Variants in DYM observed in about 807,000 individuals in gnomAD.
The protein encoded by DYM is dymeclin, also known as dyggve-Melchior-Clausen syndrome protein.
In DYM, 78 loss-of-function variants were observed where a neutral mutation model predicts 93.1. The observed-to-expected ratio is 0.84, with a 90% CI of 0.70 to 1.01. DYM has a LOEUF of 1.01. Among genes scored for constraint, DYM ranks in the 50% least tolerant of loss-of-function variants. DYM has a pLI of 0.00. For synonymous variants in DYM, 321 were observed against 319.7 expected, an observed-to-expected ratio of 1.00 and a Z score of -0.04; for missense variants, 789 against 845.0, an observed-to-expected ratio of 0.93 and a Z score of 0.82.
At chr18:49,283,104 C>CTAT (rs1339168590) in intron 9 of DYM, among the ~76,000 whole-genome samples, 2 of 152,132 alleles carry the variant, frequency 1.3e-5, no homozygotes, top group Admixed American at 6.6e-5. Flanking sequence ...CTAGCCTAAG[C>CTAT]TATTATATTT....
chr18:49,094,678 A>G (rs2079383936), intron 17 of DYM, among the ~76,000 whole-genome samples: 1 of 152,258 alleles, frequency 6.6e-6, no homozygotes, highest in African/African-American at 2.4e-5. Flanking sequence ...GGCTATGTCA[A>G]ATAATATTTG....
chr18:49,074,869 C>T (rs920212986), intron 17 of DYM, among the ~76,000 whole-genome samples: 2 of 152,170 alleles, frequency 1.3e-5, no homozygotes, highest in East Asian at 1.9e-4. Flanking sequence ...GCTTTCAGAT[C>T]GTCTCAAATT....
intron 16 of DYM, among the ~76,000 whole-genome samples, chr18:49,116,707 C>T (rs2081956858): frequency 1.3e-5 from 2 of 152,192 alleles, no homozygotes; most frequent in African/African-American, 4.8e-5. Flanking sequence ...TCCTTAATAA[C>T]TGGTACTTTT....
chr18:49,068,511 G>A (rs1396572313), intron 17 of DYM, among the ~76,000 whole-genome samples: 2 of 152,246 alleles, frequency 1.3e-5, no homozygotes, highest in East Asian at 3.9e-4. Flanking sequence ...CCTTAGAAAT[G>A]AAAGGAGCTC....
At chr18:49,203,803 G>A (rs1377616667) in intron 14 of DYM, among the ~76,000 whole-genome samples, 1 of 123,152 alleles carries the variant, frequency 8.1e-6, no homozygotes, top group African/African-American at 3.2e-5. Flanking sequence ...ATTGTCCCAT[G>A]ACCCTGCCAA....
At chr18:49,165,033 C>T (rs1288076859) in intron 14 of DYM, among the ~76,000 whole-genome samples, 1 of 152,126 alleles carries the variant, frequency 6.6e-6, no homozygotes, top group African/African-American at 2.4e-5. Flanking sequence ...AAAAGAGACA[C>T]ATTTGTAAAT....
At chr18:49,320,692 C>T (rs1033457084) in intron 8 of DYM, among the ~76,000 whole-genome samples, 1 of 152,080 alleles carries the variant, frequency 6.6e-6, no homozygotes, top group Non-Finnish European at 1.5e-5. Flanking sequence ...AGGCTGGTCT[C>T]GAACCCCTGA....
chr18:49,333,670 A>G, intron 7 of DYM, 58 bp downstream of exon 7: 2 of 1,559,344 alleles, frequency 1.3e-6, no homozygotes, highest in Non-Finnish European at 1.8e-6. Flanking sequence ...AAAGGACAAG[A>G]CTAGAAATAT....
intron 1 of DYM, among the ~76,000 whole-genome samples, chr18:49,456,381 A>G (rs1323709636): frequency 6.6e-6 from 1 of 152,206 alleles, no homozygotes; most frequent in African/African-American, 2.4e-5. Context: ...GGGTTTTCAA[A>G]GTATTCTGGG....
chr18:49,186,989 G>A (rs1339901824), intron 14 of DYM, among the ~76,000 whole-genome samples: 8 of 147,728 alleles, frequency 5.4e-5, no homozygotes, highest in Non-Finnish European at 1.0e-4. Flanking sequence ...GTGCGATCTC[G>A]GCTCACTGCA....
intron 15 of DYM, among the ~76,000 whole-genome samples, chr18:49,130,567 A>G (rs975512015): frequency 6.0e-5 from 2 of 33,390 alleles, no homozygotes; most frequent in Middle Eastern, 0.036. Flanking sequence ...CTACTTTACT[A>G]AAACAATTTT....
intron 1 of DYM, among the ~76,000 whole-genome samples, chr18:49,444,500 C>T (rs1458826585): frequency 1.3e-5 from 2 of 152,154 alleles, no homozygotes; most frequent in Non-Finnish European, 2.9e-5. Context: ...CTAACATTGC[C>T]TAAGTCACAA....
chr18:49,171,962 A>G (rs1243605017), intron 14 of DYM, among the ~76,000 whole-genome samples: 3 of 152,208 alleles, frequency 2.0e-5, no homozygotes, highest in Non-Finnish European at 2.9e-5. Flanking sequence ...CATCACTACA[A>G]TAATGATACA....
chr18:49,394,277 A>C (rs2069762024), intron 2 of DYM, among the ~76,000 whole-genome samples: 1 of 152,178 alleles, frequency 6.6e-6, no homozygotes. Context: ...TAGTAACAGT[A>C]CCTTCATAAG....
chr18:49,195,502 T>C (rs1470942170), intron 14 of DYM, among the ~76,000 whole-genome samples: 2 of 152,206 alleles, frequency 1.3e-5, no homozygotes, highest in African/African-American at 4.8e-5. Context: ...ACTCACTCTT[T>C]CTAGCTAGCT....
At chr18:49,164,643 T>C (rs2145100891) in intron 14 of DYM, among the ~76,000 whole-genome samples, 1 of 152,338 alleles carries the variant, frequency 6.6e-6, no homozygotes, top group Non-Finnish European at 1.5e-5. Flanking sequence ...TGAATGTTTG[T>C]ATAAATGTTA....
At chr18:49,387,369 C>T (rs1472029597) in intron 3 of DYM, among the ~76,000 whole-genome samples, 4 of 152,080 alleles carry the variant, frequency 2.6e-5, no homozygotes, top group Non-Finnish European at 4.4e-5. Flanking sequence ...CTCTGCCTTC[C>T]GGGTTCAAGT....
intron 15 of DYM, among the ~76,000 whole-genome samples, chr18:49,158,270 T>C (rs1275843051): frequency 6.6e-6 from 1 of 152,236 alleles, no homozygotes; most frequent in East Asian, 1.9e-4. Context: ...ATTTTAGTTG[T>C]GTATCTGTTT....
In DYM at chr18:49,040,227, G is replaced by A. The variant is rs1452162841; in HGVS notation, c.*3828C>T. ...ACCCCAGAGTCAACAAGATAGTTAA[G>A]TATTACTTGTCCAGTTCTATGGGGC... On this transcript the variant is annotated 3_prime_UTR_variant, in exon 18 of 18. Transcript: ENST00000675505. Among the ~76,000 whole-genome samples the A allele has an allele frequency of 1.3e-5, 2 of 152,188 alleles. No homozygotes were observed. Among genetic ancestry groups the A allele is most frequent in the African/African-American group, 2.4e-5 (1 of 41,434 alleles).
Sources: gnomAD v4.1 joint callset for allele counts (sites outside exome capture counted in the v4.1 genomes callset) on GRCh38, gnomAD v4.1.1 for gene constraint, MANE v1.5 for transcripts, NCBI Gene and HGNC (gene_info 2026-07-23, HGNC 2026-07-21) for gene names.